Variants in MYO6 observed in about 807,000 individuals in gnomAD.
The protein encoded by MYO6 is unconventional myosin-VI.
MYO6 carries 74 observed loss-of-function variants against 178.7 expected under a neutral mutation model. The ratio of observed to expected loss-of-function variants is 0.41; its 90% CI spans 0.34 to 0.50. The LOEUF (loss-of-function observed/expected upper bound fraction) is 0.50, where lower values mean the gene tolerates loss of function less well. Ranked by LOEUF, MYO6 falls within the 20% of genes least tolerant of loss-of-function variation. The pLI, the probability that MYO6 is intolerant of heterozygous loss-of-function variation, is 0.09. For synonymous variants in MYO6, 477 were observed against 504.6 expected (o/e 0.95, Z 0.73); for missense variants, 1,330 against 1,547.4 (o/e 0.86, Z 2.36).
In MYO6 at chr6:75,890,257, A is replaced by G. The variant is rs1249635121; in HGVS notation, c.2859A>G (p.Glu953=). The G allele has an allele frequency of 1.2e-6, 2 of 1,613,562 alleles. No individual in the cohort carries two copies. Among genetic ancestry groups the G allele is most frequent in the East Asian group, 4.5e-5 (2 of 44,882 alleles). ...DEKRRRKEEE[E]RRMKLEMEAK... is the part of the protein sequence containing the mutation. ...AACGTCGAAGAAAGGAAGAGGAGGA[A>G]AGGCGGATGTGAGGCATTTATATTA... is the stretch of plus-strand genomic sequence containing the variant. Residue 953 remains glutamate, a synonymous_variant, in exon 26 of 35, where the codon GAA becomes GAG. Coordinates refer to ENST00000369977, the MANE Select transcript of MYO6 (RefSeq NM_004999.4).
intron 1 of MYO6, among the ~76,000 whole-genome samples, chr6:75,764,947 C>T (rs796537305): frequency 5.0e-4 from 75 of 150,692 alleles, no homozygotes; most frequent in African/African-American, 1.7e-3. Context: ...TGCAGTGAGC[C>T]GAGATCATGC....
intron 1 of MYO6, among the ~76,000 whole-genome samples, chr6:75,768,659 G>A (rs553283584): frequency 5.9e-5 from 9 of 152,166 alleles, no homozygotes; most frequent in Middle Eastern, 3.4e-3. Context: ...TGGGATTACC[G>A]GTATGAGCCA....
intron 1 of MYO6, among the ~76,000 whole-genome samples, chr6:75,759,505 C>T (rs78058910): frequency 2.0e-5 from 3 of 151,760 alleles, no homozygotes; most frequent in African/African-American, 7.3e-5. Flanking sequence ...GTTCCCTGAT[C>T]TCTCTTCCCT....
At position 75,855,122 on chromosome 6, in the gene MYO6, A is replaced by T; in HGVS notation, c.1079-17A>T. On this transcript the variant is annotated splice_polypyrimidine_tract_variant and intron_variant, in intron 11 of 34. Coordinates refer to ENST00000369977, the MANE Select transcript of MYO6 (RefSeq NM_004999.4). ...ATATAATACTTATTAATTTCAATGA[A>T]AATATATTTCTATTAGGTGGTTGTA... The T allele has an allele frequency of 6.4e-7, 1 of 1,573,978 alleles. No homozygotes were observed. The highest frequency in any genetic ancestry group is 8.7e-7 in the Non-Finnish European group (1 of 1,149,800).
chr6:75,898,052 G>C (rs1343606898), intron 29 of MYO6, among the ~76,000 whole-genome samples: 3 of 152,168 alleles, frequency 2.0e-5, no homozygotes, highest in South Asian at 4.1e-4. Flanking sequence ...CAAGTTTCCT[G>C]TATGGATTTA....
rs1046016188 is a variant in MYO6, at chr6:75,914,069, A to G, written c.3446A>G (p.Gln1149Arg). ...TCCTTGTTCTGTGTAATAGCTCAGC[A>G]AAACCCAGCAGCTCAGATTCCTGCC... ...FAPFLNNSPQ[Q>R]NPAAQIPARQ... The change falls in exon 34 of 35, where the codon CAA becomes CGA. Residue 1149 changes from glutamine (Q) to arginine (R), a missense_variant. Gln to Arg is a conservative substitution (Grantham distance 43). This residue lies in a region of MYO6 where 601 missense variants were observed against 626.1 expected (regional missense o/e 0.96). Transcript: ENST00000369977. 10 of 1,613,950 alleles carry G rather than the reference A, an allele frequency of 6.2e-6. No homozygotes were observed. The Admixed American group carries it at 1.5e-4, about 24-fold the overall frequency.
At chr6:75,850,969 T>C (rs1056152022) in intron 11 of MYO6, among the ~76,000 whole-genome samples, 2 of 152,060 alleles carry the variant, frequency 1.3e-5, no homozygotes, top group Admixed American at 6.5e-5. Context: ...TTTTGAAGGA[T>C]TGGAAAATTT....
chr6:75,836,736 C>G (rs542509018), intron 7 of MYO6, among the ~76,000 whole-genome samples: 1 of 151,994 alleles, frequency 6.6e-6, no homozygotes, highest in Admixed American at 6.6e-5. Flanking sequence ...GCGCCCACCA[C>G]CACATCTGGC....
chr6:75,793,334 G>T (rs1183278780), intron 1 of MYO6, among the ~76,000 whole-genome samples: 2 of 152,168 alleles, frequency 1.3e-5, no homozygotes, highest in African/African-American at 2.4e-5. Flanking sequence ...GCTGAGTGTG[G>T]TGGCTCACGC....
chr6:75,809,502 C>G (rs1211412493), intron 1 of MYO6, among the ~76,000 whole-genome samples: 1 of 152,060 alleles, frequency 6.6e-6, no homozygotes, highest in African/African-American at 2.4e-5. Flanking sequence ...TCAAGAAGTC[C>G]TGAGAAAGTG....
In MYO6 at chr6:75,750,371, A is replaced by C. The variant is rs952897660; in HGVS notation, c.-48+948A>C. 2.6e-5 allele frequency among the ~76,000 whole-genome samples: 4 copies of C among 152,188 alleles called. No homozygotes were observed. In the South Asian group the frequency reaches 6.2e-4, roughly 24 times the overall value. ...CGGTCTCCCAAAGTGCTGGGATTACAGGCGTGAGCCACTGCGCCTGGCCAA... is the reference window on the plus strand; with the variant it reads ...CGGTCTCCCAAAGTGCTGGGATTACCGGCGTGAGCCACTGCGCCTGGCCAA... On this transcript the variant is annotated intron_variant, in intron 1 of 34. Coordinates refer to ENST00000369977, the MANE Select transcript of MYO6 (RefSeq NM_004999.4).
At chr6:75,825,847 T>C (rs1210884166) in intron 3 of MYO6, among the ~76,000 whole-genome samples, 1 of 152,160 alleles carries the variant, frequency 6.6e-6, no homozygotes, top group Non-Finnish European at 1.5e-5. Context: ...TTAGAAACTT[T>C]TGTATATGTT....
intron 1 of MYO6, among the ~76,000 whole-genome samples, chr6:75,774,590 G>T (rs1418747349): frequency 6.6e-6 from 1 of 151,958 alleles, no homozygotes; most frequent in Non-Finnish European, 1.5e-5. Context: ...TACTTTTCAT[G>T]TAACAATTGT....
intron 14 of MYO6, among the ~76,000 whole-genome samples, chr6:75,859,423 C>T (rs1776001902): frequency 6.6e-6 from 1 of 151,608 alleles, no homozygotes; most frequent in South Asian, 2.1e-4. Context: ...CCTCAGCCTC[C>T]CCAGTAGCTG....
intron 6 of MYO6, among the ~76,000 whole-genome samples, chr6:75,834,365 T>C (rs1240192296): frequency 6.6e-6 from 1 of 152,068 alleles, no homozygotes; most frequent in Non-Finnish European, 1.5e-5. Context: ...CCCAAGTAAC[T>C]GGGACCCACA....
At chr6:75,783,441 C>T (rs1052366206) in intron 1 of MYO6, among the ~76,000 whole-genome samples, 1 of 152,106 alleles carries the variant, frequency 6.6e-6, no homozygotes, top group African/African-American at 2.4e-5. Context: ...AGCATTTCTC[C>T]CTTTTTCTCT....
intron 29 of MYO6, among the ~76,000 whole-genome samples, chr6:75,897,224 G>C (rs1779371851): frequency 6.6e-6 from 1 of 152,196 alleles, no homozygotes. Context: ...CAAAAACCTT[G>C]AGGTGGAGTG....
chr6:75,789,013 A>G (rs1767962663), intron 1 of MYO6, among the ~76,000 whole-genome samples: 1 of 152,246 alleles, frequency 6.6e-6, no homozygotes, highest in Non-Finnish European at 1.5e-5. Context: ...AAAAATGAAC[A>G]TTATTCAGTA....
intron 8 of MYO6, 62 bp from the exon 9 acceptor site, chr6:75,841,149 ATTG>A: frequency 2.1e-6 from 3 of 1,450,426 alleles, no homozygotes; most frequent in Non-Finnish European, 2.9e-6. Flanking sequence ...ATAATTTAAC[ATTG>A]GTTAATTATA....
Sources: gnomAD v4.1 joint callset for allele counts (sites outside exome capture counted in the v4.1 genomes callset) on GRCh38, gnomAD v4.1.1 for gene constraint, gnomAD v4.1.1 regional missense constraint, MANE v1.5 for transcripts, NCBI Gene and HGNC (gene_info 2026-07-23, HGNC 2026-07-21) for gene names.